The following KALRN variants were observed in gnomAD, a reference collection of about 807,000 sequenced individuals.
KALRN encodes kalirin.
KALRN carries 70 observed loss-of-function variants against 353.7 expected under a neutral mutation model. The observed-to-expected ratio is 0.20, with a 90% CI of 0.16 to 0.24. The LOEUF (loss-of-function observed/expected upper bound fraction) is 0.24, where lower values mean the gene tolerates loss of function less well. KALRN is among the 10% of genes least tolerant of loss of function. KALRN has a pLI of 1.00. For missense variants in KALRN, 2,791 were observed against 3,756.7 expected, an observed-to-expected ratio of 0.74 and a Z score of 6.72; for synonymous variants, 1,391 against 1,434.8, an observed-to-expected ratio of 0.97 and a Z score of 0.69.
intron 22 of KALRN, among the ~76,000 whole-genome samples, chr3:124,455,647 GTTGA>G (rs1170787099): frequency 6.6e-6 from 1 of 152,176 alleles, no homozygotes; most frequent in African/African-American, 2.4e-5. Context: ...AGAGTTAACT[GTTGA>G]CTTTGAGAAC....
chr3:124,060,435 T>A (rs561681850), intron 1 of KALRN, among the ~76,000 whole-genome samples: 1 of 152,336 alleles, frequency 6.6e-6, no homozygotes, highest in South Asian at 2.1e-4. Flanking sequence ...TCATGGTGTT[T>A]TCTATTTTTT....
chr3:124,251,689 T>C (rs1401708104), intron 3 of KALRN, among the ~76,000 whole-genome samples: 1 of 152,094 alleles, frequency 6.6e-6, no homozygotes, highest in Non-Finnish European at 1.5e-5. Context: ...AGGACTTGAT[T>C]TGTAGAATAT....
intron 3 of KALRN, among the ~76,000 whole-genome samples, chr3:124,260,806 C>A (rs1193138844): frequency 6.6e-6 from 1 of 152,036 alleles, no homozygotes; most frequent in Non-Finnish European, 1.5e-5. Context: ...CAGAGTTAAT[C>A]ACTTGAACTT....
chr3:124,596,868 C>T (rs371023460), intron 34 of KALRN, among the ~76,000 whole-genome samples: 1 of 152,052 alleles, frequency 6.6e-6, no homozygotes, highest in East Asian at 1.9e-4. Context: ...GCCAATATGG[C>T]GAAACCCCAT....
At chr3:124,653,019 A>G (rs1167272775) in intron 38 of KALRN, among the ~76,000 whole-genome samples, 1 of 152,210 alleles carries the variant, frequency 6.6e-6, no homozygotes, top group African/African-American at 2.4e-5. Context: ...ATTCTTGCCA[A>G]AATCCACACC....
intron 1 of KALRN, among the ~76,000 whole-genome samples, chr3:124,139,166 C>T (rs1471853783): frequency 1.3e-5 from 2 of 151,984 alleles, no homozygotes; most frequent in African/African-American, 4.8e-5. Flanking sequence ...GTTACATGGT[C>T]CTTTGTGAGA....
chr3:124,224,677 T>A (rs1367836240), intron 1 of KALRN, among the ~76,000 whole-genome samples: 2 of 152,234 alleles, frequency 1.3e-5, no homozygotes, highest in Admixed American at 6.5e-5. Flanking sequence ...ATCTGTAAAC[T>A]GATTCTGGGG....
intron 6 of KALRN, among the ~76,000 whole-genome samples, chr3:124,324,650 T>G (rs144130669): frequency 6.6e-6 from 1 of 152,324 alleles, no homozygotes; most frequent in African/African-American, 2.4e-5. Flanking sequence ...TCACTTAACT[T>G]TTTAAACTTC....
intron 58 of KALRN, 110 bp from the exon 59 acceptor site, chr3:124,717,137 A>T (rs2063167955): frequency 9.5e-7 from 1 of 1,048,990 alleles, no homozygotes; most frequent in Non-Finnish European, 1.4e-6. Context: ...GTCTTCATGT[A>T]TAACAATAAG....
chr3:124,634,057 G>T, intron 36 of KALRN, 104 bp downstream of exon 36: 1 of 832,118 alleles, frequency 1.2e-6, no homozygotes. Context: ...ATGTTATCTC[G>T]TCGTCCACAT....
At chr3:124,664,375 G>GCA (rs1369739729) in intron 45 of KALRN, among the ~76,000 whole-genome samples, 1 of 145,318 alleles carries the variant, frequency 6.9e-6, no homozygotes, top group Non-Finnish European at 1.5e-5. Context: ...GTGTGTGCGC[G>GCA]CGCGCGCATA....
intron 9 of KALRN, among the ~76,000 whole-genome samples, chr3:124,336,418 C>T (rs974578753): frequency 6.6e-6 from 1 of 152,082 alleles, no homozygotes; most frequent in African/African-American, 2.4e-5. Flanking sequence ...AAAGGAGAGG[C>T]GTTGCTATTT....
chr3:124,680,443 C>T (rs2087661795), intron 51 of KALRN, among the ~76,000 whole-genome samples: 1 of 152,308 alleles, frequency 6.6e-6, no homozygotes, highest in Non-Finnish European at 1.5e-5. Flanking sequence ...TTTTTTCATT[C>T]AGAGAATGTT....
intron 6 of KALRN, among the ~76,000 whole-genome samples, chr3:124,319,428 A>G (rs2079101144): frequency 1.3e-5 from 2 of 151,478 alleles, no homozygotes; most frequent in African/African-American, 2.4e-5. Context: ...AAAAAGAGTG[A>G]ATTGATAAAA....
At chr3:124,520,549 C>T (rs1308514738) in intron 33 of KALRN, among the ~76,000 whole-genome samples, 2 of 152,090 alleles carry the variant, frequency 1.3e-5, no homozygotes, top group Non-Finnish European at 2.9e-5. Context: ...CATCCCAAAA[C>T]CATCCCCTAC....
At chr3:124,491,280 G>T in intron 30 of KALRN, 43 bp from the exon 31 acceptor site, 22 of 1,286,010 alleles carry the variant, frequency 1.7e-5, no homozygotes, top group Non-Finnish European at 2.3e-5. Context: ...TTTCCCCACT[G>T]CCCTCCCCTT....
chr3:124,227,392 A>G (rs2078644972), intron 1 of KALRN, among the ~76,000 whole-genome samples: 1 of 152,112 alleles, frequency 6.6e-6, no homozygotes, highest in Non-Finnish European at 1.5e-5. Context: ...AGAGGTGGGG[A>G]GAGGAGTATT....
At chr3:124,618,551 C>T (rs1206264822) in intron 34 of KALRN, among the ~76,000 whole-genome samples, 2 of 152,140 alleles carry the variant, frequency 1.3e-5, no homozygotes, top group African/African-American at 4.8e-5. Context: ...GTGCTTATTA[C>T]TAGGGCTGAA....
chr3:124,611,959 A>T (rs1437500393), intron 34 of KALRN, among the ~76,000 whole-genome samples: 1 of 152,166 alleles, frequency 6.6e-6, no homozygotes, highest in East Asian at 1.9e-4. Context: ...CTTCTCAGAG[A>T]ACTGTCACCA....
Sources: allele counts gnomAD v4.1 joint callset (sites outside exome capture counted in the v4.1 genomes callset), GRCh38; gene constraint gnomAD v4.1.1; transcripts MANE v1.5; gene names NCBI Gene and HGNC (gene_info 2026-07-23, HGNC 2026-07-21).